The following VWA8 variants were observed in gnomAD, a reference collection of about 807,000 sequenced individuals.
VWA8 encodes the protein von Willebrand factor A domain-containing protein 8.
A neutral mutation model predicts 241.5 loss-of-function variants in VWA8; 221 were observed. The ratio of observed to expected loss-of-function variants is 0.91; its 90% confidence interval spans 0.82 to 1.02. The LOEUF (loss-of-function observed/expected upper bound fraction) is 1.02. Ranked by LOEUF, VWA8 falls within the 50% of genes least tolerant of loss-of-function variation. VWA8 has a pLI of 0.00. For missense variants in VWA8, 2,322 were observed against 2,328.7 expected, an observed-to-expected ratio of 1.00 and a Z score of 0.06; for synonymous variants, 852 against 827.1, an observed-to-expected ratio of 1.03 and a Z score of -0.52.
At chr13:41,870,293 G>T (rs1873530348) in intron 9 of VWA8, among the ~76,000 whole-genome samples, 1 of 151,820 alleles carries the variant, frequency 6.6e-6, no homozygotes, top group African/African-American at 2.4e-5. Flanking sequence ...ATTTTAAGGA[G>T]AACTCAACAG....
chr13:41,707,606 A>G (rs1317206572), intron 26 of VWA8, among the ~76,000 whole-genome samples: 1 of 152,214 alleles, frequency 6.6e-6, no homozygotes, highest in Non-Finnish European at 1.5e-5. Flanking sequence ...TCTGGCAAAA[A>G]TTAAGTTGAG....
chr13:41,573,527 G>GTATATA (rs71086586), intron 43 of VWA8, among the ~76,000 whole-genome samples: 7 of 134,296 alleles, frequency 5.2e-5, no homozygotes, highest in African/African-American at 2.1e-4. Flanking sequence ...ATATATACGT[G>GTATATA]TATATATATA....
chr13:41,683,770 T>C (rs1043354836), intron 35 of VWA8, among the ~76,000 whole-genome samples: 6 of 152,050 alleles, frequency 3.9e-5, no homozygotes, highest in Non-Finnish European at 5.9e-5. Context: ...TGGAGACTAG[T>C]GGGTGGATAC....
At position 41,811,232 on chromosome 13, in the gene VWA8, G is replaced by C; in HGVS notation, c.2056C>G (p.Leu686Val). 6.2e-7 allele frequency: 1 copy of C among 1,602,780 alleles called. No homozygotes were observed. Among genetic ancestry groups the C allele is most frequent in the Non-Finnish European group, 8.5e-7 (1 of 1,170,986 alleles). Residue 686 changes from leucine (L) to valine (V), a missense_variant, in exon 17 of 45, where the codon CTT (leucine) becomes GTT (valine). Coordinates refer to ENST00000379310, the MANE Select transcript of VWA8 (RefSeq NM_015058.2). ...GAGAAAGAATATGTTTACCTGGAAA[G>C]GCAGGCTTTAGTAACAGCACTGTGA... ...NLHSAVTKAC[L>V]SRFLPSLARS...
intron 9 of VWA8, among the ~76,000 whole-genome samples, chr13:41,879,963 G>T (rs1351064447): frequency 6.6e-6 from 1 of 152,118 alleles, no homozygotes; most frequent in Non-Finnish European, 1.5e-5. Flanking sequence ...TCATATGGAG[G>T]AATTAATTTT....
chr13:41,831,353 C>T (rs963598962), intron 13 of VWA8, among the ~76,000 whole-genome samples: 1 of 152,170 alleles, frequency 6.6e-6, no homozygotes, highest in Non-Finnish European at 1.5e-5. Flanking sequence ...CAGCTGTGCA[C>T]CTTACTAGCT....
rs1289921055 is a variant in VWA8 at position 41,746,925 on chromosome 13, T to G, written c.2426+14203A>C. ...TATGGATAATACTTTAGTGACATAC[T>G]TACTGCAGTACTACCCTCACTAAAA... On this transcript the variant is annotated intron_variant, in intron 21 of 44. Coordinates refer to ENST00000379310, the MANE Select transcript of VWA8 (RefSeq NM_015058.2). Among the ~76,000 whole-genome samples, 3 of 152,160 alleles carry G rather than the reference T, an allele frequency of 2.0e-5. No individual in the cohort carries two copies. In the East Asian group the frequency reaches 5.8e-4, roughly 29 times the overall value.
chr13:41,623,317 C>T (rs555357894), intron 37 of VWA8, among the ~76,000 whole-genome samples: 6 of 152,174 alleles, frequency 3.9e-5, no homozygotes, highest in Non-Finnish European at 5.9e-5. Flanking sequence ...GTCTATGCCC[C>T]AATGACATTG....
intron 17 of VWA8, among the ~76,000 whole-genome samples, chr13:41,796,149 G>C (rs1869692336): frequency 6.6e-6 from 1 of 151,984 alleles, no homozygotes; most frequent in South Asian, 2.1e-4. Flanking sequence ...ATTTGTAATT[G>C]CATAATTTAT....
At chr13:41,628,175 C>T (rs567169543) in intron 37 of VWA8, among the ~76,000 whole-genome samples, 14 of 152,018 alleles carry the variant, frequency 9.2e-5, no homozygotes, top group Admixed American at 2.0e-4. Flanking sequence ...TCATTCCCTC[C>T]AAAAAACAAA....
chr13:41,901,695 T>C (rs1268275521), intron 4 of VWA8, among the ~76,000 whole-genome samples: 1 of 150,844 alleles, frequency 6.6e-6, no homozygotes, highest in East Asian at 1.9e-4. Context: ...CAAAACCATG[T>C]CTCCATGAAA....
At chr13:41,638,654 C>A (rs2044774940) in intron 37 of VWA8, among the ~76,000 whole-genome samples, 1 of 152,072 alleles carries the variant, frequency 6.6e-6, no homozygotes, top group African/African-American at 2.4e-5. Flanking sequence ...TCAGCAGGAA[C>A]AATTTTGCAG....
intron 2 of VWA8, among the ~76,000 whole-genome samples, chr13:41,944,307 A>G (rs1045321789): frequency 1.3e-5 from 2 of 152,016 alleles, no homozygotes; most frequent in African/African-American, 4.8e-5. Context: ...TTTATGTAAG[A>G]AAAGGGGTTA....
chr13:41,572,597 A>G (rs868495476), intron 43 of VWA8, among the ~76,000 whole-genome samples: 2 of 152,098 alleles, frequency 1.3e-5, no homozygotes, highest in East Asian at 3.9e-4. Flanking sequence ...TGAAGGCAGC[A>G]TGCTCCTTAA....
chr13:41,787,426 C>A lies in VWA8; in HGVS notation c.2170+11G>T. 1 of 1,583,960 alleles carries A rather than the reference C, an allele frequency of 6.3e-7. No individual in the cohort carries two copies. The highest frequency in any genetic ancestry group is 8.7e-7 in the Non-Finnish European group (1 of 1,155,046). On this transcript the variant is annotated intron_variant, in intron 18 of 44. Transcript: ENST00000379310. ...TTTCACTTAAAAAAAAGAGCCAAAT[C>A]AAATACTTACATTTGTAATCCTTCA... is the stretch of plus-strand genomic sequence containing the variant.
chr13:41,676,915 G>A (rs760018600), intron 35 of VWA8, among the ~76,000 whole-genome samples: 1 of 152,114 alleles, frequency 6.6e-6, no homozygotes, highest in Non-Finnish European at 1.5e-5. Context: ...TTACAGGTGT[G>A]AGCCACCACC....
intron 37 of VWA8, among the ~76,000 whole-genome samples, chr13:41,639,159 CTTT>C (rs58695029): frequency 6.8e-6 from 1 of 146,364 alleles, no homozygotes; most frequent in African/African-American, 2.5e-5. Context: ...GCTTAAAAGA[CTTT>C]TTTTTTTTTG....
At chr13:41,638,039 C>T (rs976152711) in intron 37 of VWA8, among the ~76,000 whole-genome samples, 1 of 152,100 alleles carries the variant, frequency 6.6e-6, no homozygotes, top group Non-Finnish European at 1.5e-5. Flanking sequence ...TAGGTACATT[C>T]GCCCCCATGG....
chr13:41,618,926 CT>C (rs2044639173), intron 37 of VWA8, among the ~76,000 whole-genome samples: 1 of 152,138 alleles, frequency 6.6e-6, no homozygotes, highest in Non-Finnish European at 1.5e-5. Flanking sequence ...CAGCTTTGTT[CT>C]TTTTGCTTAG....
Sources: allele counts gnomAD v4.1 joint callset (sites outside exome capture counted in the v4.1 genomes callset), GRCh38; gene constraint gnomAD v4.1.1; transcripts MANE v1.5; gene names NCBI Gene and HGNC (gene_info 2026-07-23, HGNC 2026-07-21).